KCNMB2: variants seen among roughly 807,000 people sequenced by gnomAD.
The protein encoded by KCNMB2 is potassium calcium-activated channel subfamily M regulatory beta subunit 2.
Under a neutral mutation model 24.5 loss-of-function variants are expected in KCNMB2, and 9 were observed. The observed-to-expected ratio is 0.37, with a 90% CI of 0.22 to 0.64. KCNMB2 has a LOEUF of 0.64. Among genes scored for constraint, KCNMB2 ranks in the 30% least tolerant of loss-of-function variants. The probability of loss-of-function intolerance (pLI) is 0.63; values close to 1 mark genes in which losing one functional copy is unlikely to be tolerated. For missense variants in KCNMB2, 226 were observed against 284.3 expected (o/e 0.79, Z 1.47); for synonymous variants, 109 against 104.4 (o/e 1.04, Z -0.27).
At chr3:178,652,561 T>A (rs1364258198) in intron 1 of KCNMB2, among the ~76,000 whole-genome samples, 1 of 152,186 alleles carries the variant, frequency 6.6e-6, no homozygotes, top group East Asian at 1.9e-4. Flanking sequence ...TTAAATTTAA[T>A]TAATTTAATA....
chr3:178,775,960 T>A (rs1712166625), intron 1 of KCNMB2, among the ~76,000 whole-genome samples: 1 of 152,190 alleles, frequency 6.6e-6, no homozygotes, highest in South Asian at 2.1e-4. Flanking sequence ...CAGGGTTCCA[T>A]CTTAAGCACC....
intron 1 of KCNMB2, among the ~76,000 whole-genome samples, chr3:178,669,840 TAGGTA>T (rs1720840215): frequency 6.6e-6 from 1 of 151,924 alleles, no homozygotes; most frequent in African/African-American, 2.4e-5. Context: ...AGAATTTTAG[TAGGTA>T]CAGAAGCAGA....
chr3:178,620,811 A>T (rs1718882687), intron 1 of KCNMB2, among the ~76,000 whole-genome samples: 1 of 152,224 alleles, frequency 6.6e-6, no homozygotes, highest in Non-Finnish European at 1.5e-5. Context: ...TGAAAGATAA[A>T]CAGGACTTGC....
chr3:178,592,706 C>T (rs1001940841), intron 1 of KCNMB2, among the ~76,000 whole-genome samples: 2 of 152,004 alleles, frequency 1.3e-5, no homozygotes, highest in Admixed American at 6.6e-5. Context: ...TCCTGGTTTG[C>T]GCCTGCTTAT....
At position 178,626,162 on chromosome 3, in the gene KCNMB2, T is replaced by C. The variant is rs368699101; in HGVS notation, c.-68+89451T>C. On this transcript the variant is annotated intron_variant, in intron 1 of 4. Coordinates refer to ENST00000452583, the MANE Select transcript of KCNMB2 (RefSeq NM_181361.3). ...TTCTATCGTTGGCATTGCTCCCTTG[T>C]GTAGTATAAGAGATCTTGCAAAAAG... Among the ~76,000 whole-genome samples, 43 of 152,296 alleles carry C rather than the reference T, an allele frequency of 2.8e-4. 1 individual carries two copies. The South Asian group carries it at 8.7e-3, about 31-fold the overall frequency.
At chr3:178,712,519 T>G (rs1256214753) in intron 1 of KCNMB2, among the ~76,000 whole-genome samples, 2 of 152,204 alleles carry the variant, frequency 1.3e-5, no homozygotes, top group Non-Finnish European at 2.9e-5. Context: ...GTCACCCCAG[T>G]GAAAAAATTC....
intron 1 of KCNMB2, among the ~76,000 whole-genome samples, chr3:178,566,933 T>C (rs1421123913): frequency 6.6e-6 from 1 of 152,220 alleles, no homozygotes; most frequent in African/African-American, 2.4e-5. Flanking sequence ...GAAGCATTCA[T>C]TTAAAGATAA....
At position 178,750,944 on chromosome 3, in the gene KCNMB2, G is replaced by A. The variant is rs532039326; in HGVS notation, c.-67-56399G>A. On this transcript the variant is annotated intron_variant, in intron 1 of 4. Coordinates refer to ENST00000452583, the MANE Select transcript of KCNMB2 (RefSeq NM_181361.3). ...CATAGCACTTTCTTCTCAATGGATCGACTTGTTATTTAAGGGAGGAGTAGA... is the reference window on the plus strand; with the variant it reads ...CATAGCACTTTCTTCTCAATGGATCAACTTGTTATTTAAGGGAGGAGTAGA... Among the ~76,000 whole-genome samples, 15 of 152,208 alleles carry A rather than the reference G, an allele frequency of 9.9e-5. No individual in the cohort carries two copies. The South Asian group carries it at 1.2e-3, about 13-fold the overall frequency.
At chr3:178,791,260 T>G (rs1338843019) in intron 1 of KCNMB2, among the ~76,000 whole-genome samples, 1 of 152,168 alleles carries the variant, frequency 6.6e-6, no homozygotes, top group Admixed American at 6.5e-5. Context: ...ATCCTACCAG[T>G]TAAATTTAAC....
chr3:178,569,126 C>T (rs1716675992), intron 1 of KCNMB2, among the ~76,000 whole-genome samples: 1 of 152,116 alleles, frequency 6.6e-6, no homozygotes, highest in Non-Finnish European at 1.5e-5. Flanking sequence ...GGGTTGGCTA[C>T]ATTTTCCAGA....
chr3:178,569,583 G>A (rs1236949247), intron 1 of KCNMB2, among the ~76,000 whole-genome samples: 6 of 152,062 alleles, frequency 3.9e-5, no homozygotes, highest in South Asian at 2.1e-4. Context: ...TACAACCGCC[G>A]GACTGCCTCA....
chr3:178,557,625 G>A (rs1234025923), intron 1 of KCNMB2, among the ~76,000 whole-genome samples: 1 of 152,104 alleles, frequency 6.6e-6, no homozygotes, highest in Non-Finnish European at 1.5e-5. Context: ...TGTGTTTCTT[G>A]TTACTCTTAT....
intron 1 of KCNMB2, among the ~76,000 whole-genome samples, chr3:178,752,896 G>GCC (rs1332614587): frequency 6.6e-6 from 1 of 152,116 alleles, no homozygotes. Flanking sequence ...ATAGTCTTTT[G>GCC]GGGAAGCAAA....
chr3:178,578,371 G>A (rs75917897), intron 1 of KCNMB2, among the ~76,000 whole-genome samples: 55,019 of 152,092 alleles, frequency 0.36, 10,320 homozygotes, highest in African/African-American at 0.48. Context: ...AAGAATTCCC[G>A]AAGGATGCAC....
chr3:178,625,967 T>G (rs1054126658), intron 1 of KCNMB2, among the ~76,000 whole-genome samples: 2 of 152,130 alleles, frequency 1.3e-5, no homozygotes, highest in Non-Finnish European at 2.9e-5. Flanking sequence ...TATTATACAG[T>G]GAAATAGGCC....
chr3:178,708,911 T>A lies in KCNMB2; in HGVS notation c.-67-98432T>A, dbSNP rs572908913. On this transcript the variant is annotated intron_variant, in intron 1 of 4. Coordinates refer to ENST00000452583, the MANE Select transcript of KCNMB2 (RefSeq NM_181361.3). Reference sequence around the variant, plus strand: ...ACCAATGGGTGAGTAAAAGAACAAATGAATGAATGAGCGAATGAATAAATA... The same window carrying A: ...ACCAATGGGTGAGTAAAAGAACAAAAGAATGAATGAGCGAATGAATAAATA... 5.3e-5 allele frequency among the ~76,000 whole-genome samples: 8 copies of A among 152,276 alleles called. No individual in the cohort carries two copies. In the South Asian group the frequency reaches 8.3e-4, roughly 16 times the overall value.
chr3:178,796,203 C>A (rs543778497), intron 1 of KCNMB2, among the ~76,000 whole-genome samples: 1 of 152,180 alleles, frequency 6.6e-6, no homozygotes, highest in South Asian at 2.1e-4. Context: ...GGGGTTAATT[C>A]ATCAAGAGGA....
At position 178,655,095 on chromosome 3, in the gene KCNMB2, C is replaced by CCTCTCTCTCTCT. The variant is rs67468527; in HGVS notation, c.-68+118421_-68+118432dup. Among the ~76,000 whole-genome samples, 758 of 111,060 alleles carry CCTCTCTCTCTCT rather than the reference C, an allele frequency of 6.8e-3. 44 individuals carry two copies. Among genetic ancestry groups the CCTCTCTCTCTCT allele is most frequent in the Non-Finnish European group, 9.0e-3 (498 of 55,582 alleles). The allele number at this position is 111,060 out of a possible 152,430, so 72.9% of individuals were successfully genotyped here. ...TAAAGTTCAGTAAATATTAGCTCTC[C>CCTCTCTCTCTCT]CTCTCTCTCTCTCTCTCTCTCTCTC... On this transcript the variant is annotated intron_variant, in intron 1 of 4. Coordinates refer to ENST00000452583, the MANE Select transcript of KCNMB2 (RefSeq NM_181361.3).
At chr3:178,768,972 C>T (rs759602076) in intron 1 of KCNMB2, among the ~76,000 whole-genome samples, 6 of 152,062 alleles carry the variant, frequency 3.9e-5, no homozygotes, top group African/African-American at 1.2e-4. Context: ...GAAGTGATAG[C>T]AATATTAGAG....
Sources: allele counts gnomAD v4.1 joint callset (sites outside exome capture counted in the v4.1 genomes callset), GRCh38; gene constraint gnomAD v4.1.1; transcripts MANE v1.5; gene names NCBI Gene and HGNC (gene_info 2026-07-23, HGNC 2026-07-21).